PCSK2: variants seen among roughly 807,000 people sequenced by gnomAD.
PCSK2 encodes the protein neuroendocrine convertase 2.
PCSK2 carries 14 observed loss-of-function variants against 69.7 expected under a neutral mutation model. The observed-to-expected ratio is 0.20, with a 90% CI of 0.13 to 0.31. The LOEUF is 0.31. Ranked by LOEUF, PCSK2 falls within the 10% of genes least tolerant of loss-of-function variation. The probability of loss-of-function intolerance (pLI) is 1.00; values close to 1 mark genes in which losing one functional copy is unlikely to be tolerated. For synonymous variants in PCSK2, 307 were observed against 320.7 expected, an observed-to-expected ratio of 0.96 and a Z score of 0.46; for missense variants, 544 against 842.5, an observed-to-expected ratio of 0.65 and a Z score of 4.39.
At chr20:17,344,649 T>TTGTTC (rs3076247) in intron 2 of PCSK2, among the ~76,000 whole-genome samples, 1 of 151,478 alleles carries the variant, frequency 6.6e-6, no homozygotes, top group Non-Finnish European at 1.5e-5. Flanking sequence ...GCTTGTTTGT[T>TTGTTC]CCCCATTGAA....
At position 17,247,784 on chromosome 20, in the gene PCSK2, G is replaced by C. The variant is rs189361462; in HGVS notation, c.178-12456G>C. 3.1e-4 allele frequency among the ~76,000 whole-genome samples: 47 copies of C among 152,342 alleles called. 1 individual carries two copies. In the East Asian group the frequency reaches 8.9e-3, roughly 29 times the overall value. The stretch of plus-strand genomic sequence containing the variant: ...AAGAGAACTCTAGTGTTTAAAAGAA[G>C]CAGGAAATAGGCTCCATGAGAATTT... On this transcript the variant is annotated intron_variant, in intron 1 of 11. Transcript: ENST00000262545.
At chr20:17,227,689 A>C (rs1283191005) in intron 1 of PCSK2, among the ~76,000 whole-genome samples, 1 of 152,218 alleles carries the variant, frequency 6.6e-6, no homozygotes, top group African/African-American at 2.4e-5. Context: ...TAGTAAGGTC[A>C]TCAAAATAAT....
intron 2 of PCSK2, among the ~76,000 whole-genome samples, chr20:17,303,513 TA>T (rs1568593758): frequency 0.072 from 2,754 of 38,276 alleles, 203 homozygotes; most frequent in African/African-American, 0.2. Context: ...ATATATTATA[TA>T]TAATATAATA....
chr20:17,347,510 C>A (rs1223945965), intron 2 of PCSK2, among the ~76,000 whole-genome samples: 4 of 152,056 alleles, frequency 2.6e-5, no homozygotes, highest in Non-Finnish European at 5.9e-5. Context: ...CTGTGTCCAG[C>A]TCATCAATTC....
upstream of PCSK2, among the ~76,000 whole-genome samples, chr20:17,226,837 G>A (rs1344290941): frequency 4.8e-5 from 7 of 144,524 alleles, no homozygotes; most frequent in Non-Finnish European, 1.1e-4. Context: ...CCCAGAAGGC[G>A]GAGGCGGCCG....
intron 2 of PCSK2, among the ~76,000 whole-genome samples, chr20:17,294,435 T>A (rs1017361710): frequency 7.9e-5 from 12 of 152,328 alleles, no homozygotes; most frequent in Middle Eastern, 3.4e-3. Context: ...CCTGCGTATT[T>A]TATGCTTCTC....
In PCSK2 at chr20:17,480,918, G is replaced by A. The variant is rs111497858; in HGVS notation, c.1431-666G>A. On this transcript the variant is annotated intron_variant, in intron 11 of 11. Transcript: ENST00000262545. The stretch of plus-strand genomic sequence containing the variant: ...GCTGTGCAGGCTTCCACGGAGGTGG[G>A]AGGAAGCCCAGGGGGAACACGGGGA... Among the ~76,000 whole-genome samples, 991 of 152,316 alleles carry A rather than the reference G, an allele frequency of 6.5e-3. 13 individuals are homozygous for A. Among genetic ancestry groups the A allele is most frequent in the African/African-American group, 0.023 (956 of 41,584 alleles).
intron 2 of PCSK2, among the ~76,000 whole-genome samples, chr20:17,349,927 G>A (rs34473304): frequency 6.6e-6 from 1 of 151,922 alleles, no homozygotes; most frequent in Non-Finnish European, 1.5e-5. Context: ...ACCTTCCCAG[G>A]TGATTGCACT....
At chr20:17,434,741 C>T (rs2032449479) in intron 7 of PCSK2, among the ~76,000 whole-genome samples, 2 of 152,126 alleles carry the variant, frequency 1.3e-5, no homozygotes, top group Non-Finnish European at 2.9e-5. Context: ...TCTCACCTTC[C>T]AGTTGAGTGG....
At chr20:17,403,941 T>C (rs6080678) in intron 5 of PCSK2, among the ~76,000 whole-genome samples, 92,775 of 152,094 alleles carry the variant, frequency 0.61, 28,583 homozygotes, top group Middle Eastern at 0.72. Flanking sequence ...TTGTGTGAAA[T>C]TGAAAATGAC....
intron 2 of PCSK2, among the ~76,000 whole-genome samples, chr20:17,274,300 G>T (rs1987974677): frequency 6.6e-6 from 1 of 152,112 alleles, no homozygotes; most frequent in Non-Finnish European, 1.5e-5. Context: ...TGCTTCTGTT[G>T]TCCTAAAATG....
At chr20:17,327,992 T>C (rs1224727959) in intron 2 of PCSK2, among the ~76,000 whole-genome samples, 1 of 152,196 alleles carries the variant, frequency 6.6e-6, no homozygotes. Flanking sequence ...GCTGTGTTTG[T>C]TGAATCCTGA....
chr20:17,330,997 A>G (rs1162030855), intron 2 of PCSK2, among the ~76,000 whole-genome samples: 4 of 152,210 alleles, frequency 2.6e-5, no homozygotes, highest in Non-Finnish European at 1.5e-5. Context: ...AACAGATCAC[A>G]TGGCCTTCCC....
At chr20:17,442,283 G>T (rs2032614245) in intron 8 of PCSK2, among the ~76,000 whole-genome samples, 1 of 151,606 alleles carries the variant, frequency 6.6e-6, no homozygotes, top group Non-Finnish European at 1.5e-5. Flanking sequence ...GTGTCAGCAG[G>T]GTTGGCTGAC....
intron 1 of PCSK2, among the ~76,000 whole-genome samples, chr20:17,229,561 C>T (rs1986070317): frequency 6.6e-6 from 1 of 151,580 alleles, no homozygotes; most frequent in Admixed American, 6.6e-5. Context: ...GCCTCTTTGT[C>T]CTTCATTCTT....
At chr20:17,229,282 G>A (rs920230150) in intron 1 of PCSK2, among the ~76,000 whole-genome samples, 3 of 151,710 alleles carry the variant, frequency 2.0e-5, no homozygotes, top group African/African-American at 7.3e-5. Flanking sequence ...GTGAACCCAT[G>A]CTCTTTACTC....
Position 17,284,837 on chromosome 20 carries a change from G to A in PCSK2, c.282+24493G>A, listed in dbSNP as rs141646591. On this transcript the variant is annotated intron_variant, in intron 2 of 11. Transcript: ENST00000262545. ...GGGCTGAAGCATGGAGATTGTTGAC[G>A]GGGTGAAGAGTACAGAGTGAAGTCA... Among the ~76,000 whole-genome samples the A allele has an allele frequency of 3.0e-3, 460 of 152,270 alleles. 6 individuals carry two copies. Among genetic ancestry groups the A allele is most frequent in the Admixed American group, 0.019 (290 of 15,302 alleles).
At chr20:17,386,482 T>C (rs1228534702) in intron 5 of PCSK2, among the ~76,000 whole-genome samples, 1 of 152,170 alleles carries the variant, frequency 6.6e-6, no homozygotes, top group African/African-American at 2.4e-5. Flanking sequence ...ATTCTGTTAC[T>C]TGCAGCAACA....
Position 17,453,610 on chromosome 20 carries a change from A to G in PCSK2, c.886-132A>G. On this transcript the variant is annotated intron_variant, in intron 8 of 11. Coordinates refer to ENST00000262545, the MANE Select transcript of PCSK2 (RefSeq NM_002594.5). This position sits in a 1 kb window ranked among gnomAD's most constrained non-coding sequence, Gnocchi z 4.0. ...CCCTGCCAGAAGGATATGGTGTCCA[A>G]CCCAGTTTAAAAAGTGCACCCAGTC... 5.9e-6 allele frequency: 5 copies of G among 844,142 alleles called. No homozygotes were observed. Among genetic ancestry groups the G allele is most frequent in the East Asian group, 2.6e-5 (1 of 37,868 alleles). The allele number at this position is 844,142 out of a possible 1,614,324, so 52.3% of individuals were successfully genotyped here.
Sources: gnomAD v4.1 joint callset for allele counts (sites outside exome capture counted in the v4.1 genomes callset) on GRCh38, gnomAD v4.1.1 for gene constraint, Gnocchi (gnomAD v3.1) non-coding constraint, MANE v1.5 for transcripts, NCBI Gene and HGNC (gene_info 2026-07-23, HGNC 2026-07-21) for gene names.